RP2: variants seen among roughly 807,000 people sequenced by gnomAD.
RP2 encodes RP2 activator of ARL3 GTPase, also known as protein XRP2.
A neutral mutation model predicts 20.3 loss-of-function variants in RP2; 3 were observed. That is an observed-to-expected ratio of 0.15 (90% confidence interval 0.07 to 0.38). The LOEUF (loss-of-function observed/expected upper bound fraction) is 0.38. RP2 is among the 10% of genes least tolerant of loss of function. RP2 has a pLI of 1.00. For missense variants in RP2, 233 were observed against 268.5 expected, an observed-to-expected ratio of 0.87 and a Z score of 0.92; for synonymous variants, 75 against 94.8, an observed-to-expected ratio of 0.79 and a Z score of 1.22.
At chrX:46,849,785 G>A (rs963025581) in intron 1 of RP2, among the ~76,000 whole-genome samples, 3 of 111,881 alleles carry the variant, frequency 2.7e-5, no homozygotes, top group Non-Finnish European at 3.8e-5. Flanking sequence ...AGCATTGGCA[G>A]CTGTTATGGA....
At position 46,847,742 on chromosome X, in the gene RP2, ATATG is replaced by A. The variant is rs201515250; in HGVS notation, c.103-5732_103-5729del. 3.2e-3 allele frequency among the ~76,000 whole-genome samples: 273 copies of A among 85,283 alleles called. 1 individual carries two copies. The highest frequency in any genetic ancestry group is 0.013 in the African/African-American group (257 of 20,249). 74.1% of individuals were successfully genotyped at this position (85,283 alleles called of 115,157 possible). The stretch of plus-strand genomic sequence containing the variant: ...TATATGTGTGTGTGTATATACACAC[ATATG>A]TGTGTGTGTATATACACACATGTGT... On this transcript the variant is annotated intron_variant, in intron 1 of 4. Transcript: ENST00000218340.
At chrX:46,879,172 T>C (rs946107275) in intron 4 of RP2, among the ~76,000 whole-genome samples, 55 of 106,988 alleles carry the variant, frequency 5.1e-4, no homozygotes, top group African/African-American at 1.6e-3. Flanking sequence ...TCCAGAAGTC[T>C]AGGCTGCAGT....
intron 1 of RP2, among the ~76,000 whole-genome samples, chrX:46,843,005 C>CTTT (rs60442392): frequency 1.3e-4 from 12 of 91,013 alleles, no homozygotes; most frequent in Non-Finnish European, 2.2e-4. Flanking sequence ...CTATGTTTAA[C>CTTT]TTTTTTTTTT....
intron 1 of RP2, among the ~76,000 whole-genome samples, chrX:46,843,165 G>A (rs1401711126): frequency 4.6e-5 from 5 of 109,694 alleles, no homozygotes; most frequent in African/African-American, 1.3e-4. Context: ...CCGCCGCCAC[G>A]CCCGGCTAAT....
intron 3 of RP2, among the ~76,000 whole-genome samples, chrX:46,871,223 T>C (rs184061073): frequency 5.5e-5 from 6 of 108,529 alleles, no homozygotes; most frequent in African/African-American, 1.7e-4. Context: ...GGTTTCACCA[T>C]GTTGGCCAGG....
intron 3 of RP2, among the ~76,000 whole-genome samples, chrX:46,876,538 A>G (rs952720693): frequency 1.8e-5 from 2 of 111,666 alleles, no homozygotes; most frequent in African/African-American, 6.5e-5. Context: ...TTGAGCAACA[A>G]ATGGAACCAA....
At chrX:46,866,069 T>TTTTTGTCCC (rs1362146328) in intron 3 of RP2, among the ~76,000 whole-genome samples, 1 of 112,158 alleles carries the variant, frequency 8.9e-6, no homozygotes, top group Non-Finnish European at 1.9e-5. Context: ...TAGGTTGGCT[T>TTTTTGTCCC]TTTTGTCCCT....
At chrX:46,844,467 T>C (rs1924680389) in intron 1 of RP2, among the ~76,000 whole-genome samples, 2 of 110,802 alleles carry the variant, frequency 1.8e-5, no homozygotes, top group Admixed American at 1.9e-4. Flanking sequence ...CTGAGAATTA[T>C]GGTTTCCAGC....
chrX:46,854,282 C>A, intron 2 of RP2, 141 bp downstream of exon 2: 2 of 553,363 alleles, frequency 3.6e-6, no homozygotes, highest in Non-Finnish European at 5.9e-6. Flanking sequence ...CCCCCTCTCC[C>A]AACAGACTCA....
At chrX:46,874,645 CAAAATT>C (rs201556536) in intron 3 of RP2, among the ~76,000 whole-genome samples, 2,315 of 111,363 alleles carry the variant, frequency 0.021, 20 homozygotes, top group South Asian at 0.04. Context: ...TATCTTAAAA[CAAAATT>C]AAAAATGTTT....
At position 46,837,247 on chromosome X, in the gene RP2, TC is replaced by T. The variant is rs1569530925; in HGVS notation, c.102+47del. 17 of 1,110,384 alleles carry T rather than the reference TC, an allele frequency of 1.5e-5. No individual in the cohort carries two copies. The Middle Eastern group carries it at 3.7e-3, about 245-fold the overall frequency. 91.5% of individuals were successfully genotyped at this position (1,110,384 alleles called of 1,213,427 possible). On this transcript the variant is annotated intron_variant, in intron 1 of 4. Coordinates refer to ENST00000218340, the MANE Select transcript of RP2 (RefSeq NM_006915.3). ...CGCCGTCTCAGCCTCCCTGAGCCGC[TC>T]CGCCAGGTCCCTTACGGCCCGGGAC...
chrX:46,856,126 T>C (rs782508698), intron 2 of RP2, among the ~76,000 whole-genome samples: 1 of 111,759 alleles, frequency 8.9e-6, no homozygotes, highest in South Asian at 3.7e-4. Flanking sequence ...CATTATGCAG[T>C]ATGGTGATTT....
chrX:46,847,779 CATACACACATGTGTGTGTGTATATAT>C (rs1250171163), intron 1 of RP2, among the ~76,000 whole-genome samples: 6 of 81,980 alleles, frequency 7.3e-5, no homozygotes, highest in Non-Finnish European at 1.4e-4. Context: ...TGTGTGTGTA[CATACACACATGTGTGTGTGTATATAT>C]ATACACACAT....
chrX:46,877,020 T>G (rs114548150), intron 3 of RP2, among the ~76,000 whole-genome samples: 1,756 of 112,475 alleles, frequency 0.016, 29 homozygotes, highest in African/African-American at 0.054. Flanking sequence ...GTCATCACTT[T>G]TGGTGCCTGG....
intron 1 of RP2, among the ~76,000 whole-genome samples, chrX:46,840,890 C>T (rs782553041): frequency 2.7e-5 from 3 of 112,466 alleles, no homozygotes; most frequent in Non-Finnish European, 5.6e-5. Flanking sequence ...ATATTTGTCT[C>T]ATATTCAATA....
chrX:46,860,612 C>T (rs1353507569), intron 3 of RP2, among the ~76,000 whole-genome samples: 6 of 111,954 alleles, frequency 5.4e-5, no homozygotes, highest in Non-Finnish European at 1.1e-4. Context: ...ATTTCAGATA[C>T]TGGATATAGG....
At chrX:46,840,937 C>T (rs1248512960) in intron 1 of RP2, among the ~76,000 whole-genome samples, 1 of 112,182 alleles carries the variant, frequency 8.9e-6, no homozygotes, top group Non-Finnish European at 1.9e-5. Flanking sequence ...ACCAGAAATT[C>T]GAGTATCTAT....
At chrX:46,849,236 G>C (rs782034797) in intron 1 of RP2, among the ~76,000 whole-genome samples, 1 of 107,625 alleles carries the variant, frequency 9.3e-6, no homozygotes, top group Non-Finnish European at 1.9e-5. Context: ...TGTCACCCAG[G>C]CTGGAGTGCA....
In RP2 at chrX:46,853,820, A is replaced by G. The variant is rs1556318656; in HGVS notation, c.447A>G (p.Gln149=). The G allele has an allele frequency of 1.7e-6, 2 of 1,211,947 alleles. No individual in the cohort carries two copies. The highest frequency in any genetic ancestry group is 3.5e-5 in the South Asian group (2 of 57,018). ...CAAATATCAAATTTGGATGTTTTCA[A>G]TGGTACTATCCTGAATTAGCTTTCC... ...SSSNIKFGCF[Q]WYYPELAFQF... The change falls in exon 2 of 5, where the codon CAA becomes CAG. Residue 149 remains glutamine (Q), a synonymous_variant. Transcript: ENST00000218340.
Sources: gnomAD v4.1 joint callset for allele counts (sites outside exome capture counted in the v4.1 genomes callset) on GRCh38, gnomAD v4.1.1 for gene constraint, MANE v1.5 for transcripts, NCBI Gene and HGNC (gene_info 2026-07-23, HGNC 2026-07-21) for gene names.